HS2ST1: variants seen among roughly 807,000 people sequenced by gnomAD.
The protein encoded by HS2ST1 is heparan sulfate 2-O-sulfotransferase 1.
In HS2ST1, 18 loss-of-function variants were observed where a neutral mutation model predicts 42.9. That is an observed-to-expected ratio of 0.42 (90% CI 0.29 to 0.62). HS2ST1 has a LOEUF of 0.62. HS2ST1 is among the 20% of genes least tolerant of loss of function. The probability of loss-of-function intolerance (pLI) is 0.21; values close to 1 mark genes in which losing one functional copy is unlikely to be tolerated. For synonymous variants in HS2ST1, 146 were observed against 152.9 expected (o/e 0.95, Z 0.33); for missense variants, 334 against 433.8 (o/e 0.77, Z 2.04).
intron 1 of HS2ST1, among the ~76,000 whole-genome samples, chr1:87,021,574 G>A (rs79153995): frequency 5.5e-4 from 83 of 152,220 alleles, no homozygotes; most frequent in African/African-American, 1.9e-3. Context: ...GAGTACAATG[G>A]CACAATCACT....
chr1:86,990,775 T>C (rs987136308), intron 1 of HS2ST1, among the ~76,000 whole-genome samples: 1 of 135,398 alleles, frequency 7.4e-6, no homozygotes, highest in African/African-American at 2.7e-5. Flanking sequence ...CCCGAGTAAC[T>C]GGGATTACAG....
At chr1:87,076,898 T>C (rs2100638280) in intron 2 of HS2ST1, among the ~76,000 whole-genome samples, 1 of 152,330 alleles carries the variant, frequency 6.6e-6, no homozygotes, top group Admixed American at 6.5e-5. Context: ...ATGAATTTTT[T>C]TCTTTTTGAA....
chr1:87,046,895 A>G (rs1029500639), intron 1 of HS2ST1, among the ~76,000 whole-genome samples: 1 of 148,426 alleles, frequency 6.7e-6, no homozygotes, highest in Admixed American at 6.7e-5. Context: ...TTTAGTAGAG[A>G]CGGGCTTTCA....
chr1:86,985,383 TACACACAC>T (rs1318154258), intron 1 of HS2ST1, among the ~76,000 whole-genome samples: 1 of 44,752 alleles, frequency 2.2e-5, no homozygotes, highest in African/African-American at 5.1e-5. Context: ...TATATATATA[TACACACAC>T]ACACACACAT....
At chr1:86,929,991 A>T (rs1660510675) in intron 1 of HS2ST1, among the ~76,000 whole-genome samples, 1 of 151,848 alleles carries the variant, frequency 6.6e-6, no homozygotes, top group Non-Finnish European at 1.5e-5. Context: ...ACAGCTTCAA[A>T]CACTATTAAC....
At chr1:87,095,974 T>C (rs1406811322) in intron 4 of HS2ST1, among the ~76,000 whole-genome samples, 19 of 151,674 alleles carry the variant, frequency 1.3e-4, no homozygotes, top group Non-Finnish European at 2.5e-4. Flanking sequence ...TTCTTTTTTT[T>C]TTTTTTTCAT....
At chr1:86,966,371 G>A (rs1460183970) in intron 1 of HS2ST1, among the ~76,000 whole-genome samples, 7 of 151,992 alleles carry the variant, frequency 4.6e-5, no homozygotes, top group Non-Finnish European at 1.0e-4. Context: ...TCCTACTCCG[G>A]TGATAGCCAC....
intron 1 of HS2ST1, among the ~76,000 whole-genome samples, chr1:87,066,611 C>A (rs1175001496): frequency 6.6e-6 from 1 of 151,978 alleles, no homozygotes; most frequent in Admixed American, 6.6e-5. Flanking sequence ...TTCTGGGGTA[C>A]ATGTGCAGAA....
chr1:87,066,512 A>G (rs1444723354), intron 1 of HS2ST1, among the ~76,000 whole-genome samples: 2 of 152,198 alleles, frequency 1.3e-5, no homozygotes, highest in African/African-American at 4.8e-5. Context: ...CCCCTGTGCC[A>G]TCAAATCTGT....
intron 1 of HS2ST1, among the ~76,000 whole-genome samples, chr1:87,043,819 G>A (rs984571819): frequency 6.6e-6 from 1 of 151,954 alleles, no homozygotes; most frequent in Non-Finnish European, 1.5e-5. Flanking sequence ...TATATGTATA[G>A]AAATAAATAT....
chr1:87,004,668 G>A (rs1420630340), intron 1 of HS2ST1, among the ~76,000 whole-genome samples: 1 of 152,114 alleles, frequency 6.6e-6, no homozygotes. Context: ...TCCATCCATA[G>A]TTTGATACGA....
chr1:87,106,669 A>T lies in HS2ST1; in HGVS notation c.*1973A>T, dbSNP rs1165705427. On this transcript the variant is annotated 3_prime_UTR_variant, in exon 7 of 7. Coordinates refer to ENST00000370550, the MANE Select transcript of HS2ST1 (RefSeq NM_012262.4). ...ATAAAAATATTAAAAGAACATAGGCAGGCTTTTTTTAAATTTGGCTTTTTT... is the reference window on the plus strand; with the variant it reads ...ATAAAAATATTAAAAGAACATAGGCTGGCTTTTTTTAAATTTGGCTTTTTT... 6.6e-6 allele frequency: 1 copy of T among 152,086 alleles called. No individual in the cohort carries two copies. Among genetic ancestry groups the T allele is most frequent in the African/African-American group, 2.4e-5 (1 of 41,460 alleles). 9.4% of individuals were successfully genotyped at this position (152,086 alleles called of 1,614,324 possible). A position where few individuals can be genotyped will look rare whatever the true frequency, so the allele number is the denominator to read the frequency against.
intron 1 of HS2ST1, among the ~76,000 whole-genome samples, chr1:87,070,336 A>G (rs976197674): frequency 6.6e-6 from 1 of 152,186 alleles, no homozygotes; most frequent in Admixed American, 6.5e-5. Context: ...CACACCTACA[A>G]TCCCAACACC....
At chr1:87,070,681 C>T (rs1404006822) in intron 1 of HS2ST1, among the ~76,000 whole-genome samples, 3 of 152,064 alleles carry the variant, frequency 2.0e-5, no homozygotes, top group South Asian at 2.1e-4. Context: ...GGATGCTTAT[C>T]GTATGTTACC....
intron 1 of HS2ST1, among the ~76,000 whole-genome samples, chr1:86,981,315 C>T (rs1648585043): frequency 6.6e-6 from 1 of 152,104 alleles, no homozygotes. Flanking sequence ...CCAGACCCCT[C>T]CCAAATCTCA....
At chr1:86,987,859 A>C (rs1027208774) in intron 1 of HS2ST1, among the ~76,000 whole-genome samples, 4 of 152,334 alleles carry the variant, frequency 2.6e-5, no homozygotes, top group African/African-American at 9.6e-5. Context: ...ATTCAACTAG[A>C]AGGTAAGAAC....
chr1:87,104,714 T>G lies in HS2ST1; in HGVS notation c.*18T>G. On this transcript the variant is annotated 3_prime_UTR_variant, in exon 7 of 7. Transcript: ENST00000370550. ...CGAACTGAGTATAAGGTGTGACTATTGGATTCTTGAACTAAAATTTGACCC... is the reference window on the plus strand; with the variant it reads ...CGAACTGAGTATAAGGTGTGACTATGGGATTCTTGAACTAAAATTTGACCC... The G allele has an allele frequency of 6.7e-7, 1 of 1,498,534 alleles. No homozygotes were observed. Among genetic ancestry groups the G allele is most frequent in the Admixed American group, 1.7e-5 (1 of 59,588 alleles). The allele number at this position is 1,498,534 out of a possible 1,614,324, so 92.8% of individuals were successfully genotyped here.
In HS2ST1 at chr1:87,005,646, A is replaced by G. The variant is rs562594736; in HGVS notation, c.125-67288A>G. On this transcript the variant is annotated intron_variant, in intron 1 of 6. Transcript: ENST00000370550. ...ATATATCATCACTTGTTGGATACCT[A>G]AGTATTCAGTTGGCCTTCGTGGCAT... Among the ~76,000 whole-genome samples the G allele has an allele frequency of 3.4e-4, 52 of 152,248 alleles. 1 individual carries two copies. The South Asian group carries it at 7.7e-3, about 22-fold the overall frequency.
At chr1:87,047,521 A>T (rs561104919) in intron 1 of HS2ST1, among the ~76,000 whole-genome samples, 2 of 152,146 alleles carry the variant, frequency 1.3e-5, no homozygotes, top group Admixed American at 6.6e-5. Flanking sequence ...TGTTTCTTCT[A>T]TAAGTTTTAT....
Sources: allele counts gnomAD v4.1 joint callset (sites outside exome capture counted in the v4.1 genomes callset), GRCh38; gene constraint gnomAD v4.1.1; transcripts MANE v1.5; gene names NCBI Gene and HGNC (gene_info 2026-07-23, HGNC 2026-07-21).